SPTLC3: variants seen among roughly 807,000 people sequenced by gnomAD.
SPTLC3 encodes the protein serine palmitoyltransferase 3.
Under a neutral mutation model 59.3 loss-of-function variants are expected in SPTLC3, and 36 were observed. The ratio of observed to expected loss-of-function variants is 0.61; its 90% CI spans 0.47 to 0.80. The LOEUF is 0.80. Ranked by LOEUF, SPTLC3 falls within the 30% of genes least tolerant of loss-of-function variation. The pLI is 0.00. For missense variants in SPTLC3, 625 were observed against 685.1 expected (o/e 0.91, Z 0.98); for synonymous variants, 257 against 240.8 (o/e 1.07, Z -0.62).
rs1320485062 is a variant in SPTLC3, at chr20:13,166,659, A to G, written c.*1792A>G. On this transcript the variant is annotated 3_prime_UTR_variant, in exon 12 of 12. Transcript: ENST00000399002. ...CATTTAAATGAATTGTCCAAAATGC[A>G]TAAATGCCTTGCGTTCTATAAAGGA... is the stretch of plus-strand genomic sequence containing the variant. 6.6e-6 allele frequency: 1 copy of G among 152,388 alleles called. No homozygotes were observed. The highest frequency in any genetic ancestry group is 1.9e-4 in the East Asian group (1 of 5,186). 9.4% of individuals were successfully genotyped at this position (152,388 alleles called of 1,614,324 possible). A position where few individuals can be genotyped will look rare whatever the true frequency, so the allele number is the denominator to read the frequency against.
intron 2 of SPTLC3, among the ~76,000 whole-genome samples, chr20:13,069,046 A>G (rs1988339783): frequency 6.6e-6 from 1 of 151,994 alleles, no homozygotes; most frequent in Non-Finnish European, 1.5e-5. Flanking sequence ...ATGACAATGC[A>G]TCTTCATGTG....
chr20:13,107,788 T>A (rs1482796155), intron 6 of SPTLC3, among the ~76,000 whole-genome samples: 2 of 151,868 alleles, frequency 1.3e-5, no homozygotes, highest in African/African-American at 2.4e-5. Flanking sequence ...TTTTTTTTTT[T>A]TGTATCTGTT....
intron 5 of SPTLC3, 127 bp from the exon 6 acceptor site, chr20:13,093,357 C>T (rs991146354): frequency 5.1e-6 from 4 of 776,712 alleles, no homozygotes; most frequent in African/African-American, 3.5e-5. Context: ...AAACTCTTGG[C>T]CTTTTAAAAT....
intron 9 of SPTLC3, among the ~76,000 whole-genome samples, chr20:13,136,755 G>C (rs2038257102): frequency 6.8e-6 from 1 of 147,976 alleles, no homozygotes; most frequent in Non-Finnish European, 1.5e-5. Context: ...TATATAGGGA[G>C]AGAGGAATTT....
intron 7 of SPTLC3, among the ~76,000 whole-genome samples, chr20:13,114,067 G>A (rs1006323933): frequency 6.6e-6 from 1 of 152,182 alleles, no homozygotes; most frequent in Non-Finnish European, 1.5e-5. Context: ...TGGCCCTGAT[G>A]GGACAAAGGC....
chr20:13,110,816 C>T (rs1267079455), intron 7 of SPTLC3, among the ~76,000 whole-genome samples: 1 of 152,106 alleles, frequency 6.6e-6, no homozygotes, highest in Non-Finnish European at 1.5e-5. Context: ...TGAATCAATT[C>T]TCAAACAATC....
intron 6 of SPTLC3, among the ~76,000 whole-genome samples, chr20:13,109,255 C>A (rs1484868450): frequency 6.6e-6 from 1 of 152,188 alleles, no homozygotes; most frequent in Non-Finnish European, 1.5e-5. Flanking sequence ...AGACATTCAT[C>A]CTCCCTTGTT....
chr20:13,039,522 C>T (rs1472506593), intron 1 of SPTLC3, among the ~76,000 whole-genome samples: 2 of 152,010 alleles, frequency 1.3e-5, no homozygotes, highest in Non-Finnish European at 2.9e-5. Flanking sequence ...AGTGTATCTA[C>T]TCTAGACATT....
intron 3 of SPTLC3, among the ~76,000 whole-genome samples, chr20:13,073,000 G>C (rs1189501589): frequency 6.6e-6 from 1 of 152,180 alleles, no homozygotes; most frequent in East Asian, 1.9e-4. Flanking sequence ...AAATTGTAAA[G>C]ATCAAATCAG....
intron 1 of SPTLC3, among the ~76,000 whole-genome samples, chr20:13,034,369 G>T (rs1229736269): frequency 2.0e-5 from 3 of 152,154 alleles, no homozygotes; most frequent in African/African-American, 7.2e-5. Flanking sequence ...GAAAGATATT[G>T]CCACTGACTG....
Position 13,109,796 on chromosome 20 carries a change from C to A in SPTLC3, c.827-316C>A, listed in dbSNP as rs147524813. 5.4e-3 allele frequency among the ~76,000 whole-genome samples: 826 copies of A among 152,234 alleles called. 7 individuals are homozygous for A. Among genetic ancestry groups the A allele is most frequent in the African/African-American group, 0.019 (777 of 41,544 alleles). ...TTTCAGCCTGCAACAAAGCTTAGACCTAAGAGATGCATTTAACGTAGAATT... is the reference window on the plus strand; with the variant it reads ...TTTCAGCCTGCAACAAAGCTTAGACATAAGAGATGCATTTAACGTAGAATT... On this transcript the variant is annotated intron_variant, in intron 6 of 11. Coordinates refer to ENST00000399002, the MANE Select transcript of SPTLC3 (RefSeq NM_018327.4).
intron 2 of SPTLC3, among the ~76,000 whole-genome samples, chr20:13,070,378 C>T (rs763956935): frequency 1.1e-4 from 17 of 152,162 alleles, no homozygotes; most frequent in South Asian, 2.1e-4. Context: ...AGTGACAGAA[C>T]GATCTGTGGC....
At position 13,032,740 on chromosome 20, in the gene SPTLC3, C is replaced by T. The variant is rs991498903; in HGVS notation, c.118-16205C>T. ...ATGCAATCCTGCCTTTTGTGGGAATCCTTCATCCTTCACTCACCACTCTGG... is the reference window on the plus strand; with the variant it reads ...ATGCAATCCTGCCTTTTGTGGGAATTCTTCATCCTTCACTCACCACTCTGG... On this transcript the variant is annotated intron_variant, in intron 1 of 11. Coordinates refer to ENST00000399002, the MANE Select transcript of SPTLC3 (RefSeq NM_018327.4). Among the ~76,000 whole-genome samples, 3 of 152,298 alleles carry T rather than the reference C, an allele frequency of 2.0e-5. No individual in the cohort carries two copies. In the South Asian group the frequency reaches 6.2e-4, roughly 32 times the overall value.
chr20:13,066,343 T>G (rs1294301996), intron 2 of SPTLC3, among the ~76,000 whole-genome samples: 1 of 152,236 alleles, frequency 6.6e-6, no homozygotes, highest in African/African-American at 2.4e-5. Flanking sequence ...TTGTGTGTTT[T>G]TGGCTCCTTT....
At chr20:13,133,298 G>A (rs112340431) in intron 9 of SPTLC3, among the ~76,000 whole-genome samples, 1 of 152,136 alleles carries the variant, frequency 6.6e-6, no homozygotes, top group African/African-American at 2.4e-5. Context: ...CATGCTTGCT[G>A]CATTCTAACA....
intron 4 of SPTLC3, among the ~76,000 whole-genome samples, chr20:13,076,244 T>C (rs931543262): frequency 1.3e-5 from 2 of 152,208 alleles, no homozygotes; most frequent in African/African-American, 4.8e-5. Context: ...TTTAAAGTAT[T>C]CCGCAACATT....
chr20:13,088,559 G>A (rs866742557), intron 4 of SPTLC3, among the ~76,000 whole-genome samples: 11 of 151,760 alleles, frequency 7.2e-5, no homozygotes, highest in South Asian at 2.1e-4. Flanking sequence ...TCCTGACCTC[G>A]TGATCTGCCT....
intron 2 of SPTLC3, among the ~76,000 whole-genome samples, chr20:13,051,843 G>A (rs1987505847): frequency 1.3e-5 from 2 of 151,938 alleles, no homozygotes; most frequent in Non-Finnish European, 2.9e-5. Context: ...ATGAGCACTG[G>A]GTCAAAAATG....
Position 13,080,646 on chromosome 20 carries a change from A to T in SPTLC3, c.607+6149A>T, listed in dbSNP as rs182067483. Among the ~76,000 whole-genome samples, 214 of 152,282 alleles carry T rather than the reference A, an allele frequency of 1.4e-3. 1 individual carries two copies. Among genetic ancestry groups the T allele is most frequent in the Non-Finnish European group, 6.3e-4 (43 of 68,030 alleles). On this transcript the variant is annotated intron_variant, in intron 4 of 11. Coordinates refer to ENST00000399002, the MANE Select transcript of SPTLC3 (RefSeq NM_018327.4). ...TCCCTAACTGACAAAAGTTAAAAAA[A>T]AATAATAACCCGTAGTTTCAAAGGA...
Sources: allele counts gnomAD v4.1 joint callset (sites outside exome capture counted in the v4.1 genomes callset), GRCh38; gene constraint gnomAD v4.1.1; transcripts MANE v1.5; gene names NCBI Gene and HGNC (gene_info 2026-07-23, HGNC 2026-07-21).